LRP2: variants seen among roughly 807,000 people sequenced by gnomAD.
LRP2 encodes LDL receptor related protein 2.
Under a neutral mutation model 531.0 loss-of-function variants are expected in LRP2, and 172 were observed. That is an observed-to-expected ratio of 0.32 (90% CI 0.29 to 0.37). The LOEUF (loss-of-function observed/expected upper bound fraction) is 0.37. LRP2 is among the 10% of genes least tolerant of loss of function. LRP2 has a pLI of 1.00. For synonymous variants in LRP2, 1,992 were observed against 2,027.6 expected (o/e 0.98, Z 0.47); for missense variants, 5,167 against 5,868.3 (o/e 0.88, Z 3.90).
At chr2:169,195,044 A>G (rs1437920939) in intron 46 of LRP2, among the ~76,000 whole-genome samples, 4 of 152,142 alleles carry the variant, frequency 2.6e-5, no homozygotes, top group African/African-American at 7.2e-5. Context: ...ATCTCCTTTG[A>G]TACAGCAGCA....
intron 19 of LRP2, among the ~76,000 whole-genome samples, chr2:169,255,651 G>A (rs1338486595): frequency 6.6e-6 from 1 of 152,146 alleles, no homozygotes; most frequent in African/African-American, 2.4e-5. Context: ...GCATATAGTT[G>A]ATGAATATGT....
At chr2:169,226,186 A>C (rs1187613882) in intron 32 of LRP2, among the ~76,000 whole-genome samples, 1 of 152,230 alleles carries the variant, frequency 6.6e-6, no homozygotes, top group Non-Finnish European at 1.5e-5. Context: ...GAATGAGTAA[A>C]TAATACACAA....
In LRP2 at chr2:169,235,982, A is replaced by C; in HGVS notation, c.4778T>G (p.Val1593Gly). The C allele has an allele frequency of 2.5e-6, 4 of 1,614,234 alleles. No homozygotes were observed. The highest frequency in any genetic ancestry group is 3.4e-6 in the Non-Finnish European group (4 of 1,180,040). The change falls in exon 29 of 79, where the codon GTC becomes GGC. Residue 1593 changes from valine (V) to glycine (G), a missense_variant. Physicochemically the swap from Val to Gly is moderately radical, Grantham distance 109. Transcript: ENST00000649046. ...SMDGSMRTVI[V>G]QDKIFWPCGL... ...GCAGGGCCAGAAGATCTTGTCCTGG[A>C]CAATGACAGTGCGCATGCTGCCGTC...
rs190124068 is a variant in LRP2, at chr2:169,231,150, C to T, written c.5227+564G>A. Reference sequence around the variant, plus strand: ...CTCTACAAAAAATACAAAAATTAGCCGGGTGTGGTGGCGTGCACCTATAGT... The same window carrying T: ...CTCTACAAAAAATACAAAAATTAGCTGGGTGTGGTGGCGTGCACCTATAGT... On this transcript the variant is annotated intron_variant, in intron 31 of 78. Transcript: ENST00000649046. 2.1e-3 allele frequency among the ~76,000 whole-genome samples: 320 copies of T among 151,954 alleles called. 1 individual carries two copies. The highest frequency in any genetic ancestry group is 4.5e-3 in the Admixed American group (69 of 15,274).
At chr2:169,284,541 G>T (rs1683800099) in intron 9 of LRP2, among the ~76,000 whole-genome samples, 1 of 152,066 alleles carries the variant, frequency 6.6e-6, no homozygotes, top group African/African-American at 2.4e-5. Context: ...TGATGGGACT[G>T]CAGGCGTAAG....
chr2:169,237,811 A>T (rs1231581891), intron 27 of LRP2, among the ~76,000 whole-genome samples: 1 of 152,208 alleles, frequency 6.6e-6, no homozygotes, highest in Non-Finnish European at 1.5e-5. Flanking sequence ...CTCATCCACA[A>T]GAAAAGACTG....
chr2:169,296,374 G>A (rs1051511698), intron 4 of LRP2, among the ~76,000 whole-genome samples: 6 of 151,910 alleles, frequency 3.9e-5, no homozygotes, highest in South Asian at 2.1e-4. Context: ...GAGTTATTGC[G>A]TCTTTCCTCG....
chr2:169,205,132 AT>A lies in LRP2; in HGVS notation c.7715+346del, dbSNP rs549000502. Among the ~76,000 whole-genome samples the A allele has an allele frequency of 5.7e-3, 867 of 152,228 alleles. 9 individuals carry two copies. Among genetic ancestry groups the A allele is most frequent in the African/African-American group, 0.018 (747 of 41,542 alleles). On this transcript the variant is annotated intron_variant, in intron 41 of 78. Transcript: ENST00000649046. ...CAATTGGCATTTAAAAGTCATTCAGATTTTATAGCAGTTACCTAGGGCCTGC... is the reference window on the plus strand; with the variant it reads ...CAATTGGCATTTAAAAGTCATTCAGATTTATAGCAGTTACCTAGGGCCTGC...
chr2:169,197,943 C>T (rs1688060689), intron 45 of LRP2, among the ~76,000 whole-genome samples: 1 of 152,152 alleles, frequency 6.6e-6, no homozygotes, highest in Non-Finnish European at 1.5e-5. Context: ...CAGGGAAGTC[C>T]AATCACTAAA....
At chr2:169,186,962 A>G (rs900556978) in intron 49 of LRP2, among the ~76,000 whole-genome samples, 5 of 152,210 alleles carry the variant, frequency 3.3e-5, no homozygotes, top group African/African-American at 1.2e-4. Context: ...AATATAGCAC[A>G]TGTTTTTCTT....
At chr2:169,322,331 A>G (rs1186020553) in intron 1 of LRP2, among the ~76,000 whole-genome samples, 1 of 152,192 alleles carries the variant, frequency 6.6e-6, no homozygotes, top group African/African-American at 2.4e-5. Flanking sequence ...ATTGTCTGGT[A>G]GTGACATCCT....
chr2:169,208,857 T>A (rs990652721), intron 38 of LRP2, among the ~76,000 whole-genome samples: 2 of 152,174 alleles, frequency 1.3e-5, no homozygotes, highest in African/African-American at 4.8e-5. Context: ...ATAATACCAC[T>A]AATTATGAGT....
intron 24 of LRP2, among the ~76,000 whole-genome samples, chr2:169,241,570 T>C (rs1473749771): frequency 6.6e-6 from 1 of 152,226 alleles, no homozygotes; most frequent in Non-Finnish European, 1.5e-5. Flanking sequence ...CTAGTGGCTC[T>C]GACAACAAAC....
chr2:169,337,070 C>T (rs1207709316), intron 1 of LRP2, among the ~76,000 whole-genome samples: 1 of 152,126 alleles, frequency 6.6e-6, no homozygotes, highest in Non-Finnish European at 1.5e-5. Context: ...GTCTAAAAAT[C>T]CTCTCCTTCT....
chr2:169,196,936 A>C lies in LRP2; in HGVS notation c.8673T>G (p.Asp2891Glu). The C allele has an allele frequency of 1.2e-6, 2 of 1,614,228 alleles. No homozygotes were observed. Among genetic ancestry groups the C allele is most frequent in the South Asian group, 2.2e-5 (2 of 91,088 alleles). Residue 2891 changes from aspartate (D) to glutamate (E), a missense_variant, in exon 46 of 79, where the codon GAT becomes GAG. Physicochemically the swap from Asp to Glu is conservative, Grantham distance 45. This residue lies in a region of LRP2 where 1,129 missense variants were observed against 1,362.7 expected (regional missense o/e 0.83). Transcript: ENST00000649046. The part of the protein sequence containing the change: ...WYCDQETDCF[D>E]ASDEPASCGH... ...CACAAGAGGCAGGTTCATCAGAGGC[A>C]TCAAAACAATCTGTTTCTTGATCAC...
intron 35 of LRP2, among the ~76,000 whole-genome samples, chr2:169,215,672 T>A (rs1470075947): frequency 6.7e-6 from 1 of 148,748 alleles, no homozygotes; most frequent in Non-Finnish European, 1.5e-5. Context: ...AAATTCTATA[T>A]TCTATATATA....
chr2:169,179,881 G>A (rs746351492), intron 52 of LRP2, among the ~76,000 whole-genome samples: 5 of 152,086 alleles, frequency 3.3e-5, no homozygotes, highest in East Asian at 1.9e-4. Context: ...TCTCCAAGAG[G>A]TAACCAATTT....
At chr2:169,236,957 C>T (rs1689628148) in intron 28 of LRP2, 146 bp downstream of exon 28, 1 of 688,752 alleles carries the variant, frequency 1.5e-6, no homozygotes, top group Admixed American at 2.1e-5. Context: ...GATAGCAACA[C>T]CCAGTTGGAC....
chr2:169,259,045 C>T lies in LRP2; in HGVS notation c.2493G>A (p.Val831=). The change falls in exon 17 of 79, where the codon GTG becomes GTA. Residue 831 remains valine (V), a synonymous_variant. Coordinates refer to ENST00000649046, the MANE Select transcript of LRP2 (RefSeq NM_004525.3). ...CTTACCCGGCAAAAGGATGAACTAC[C>T]ACCGACCGTGGGTTATTTAAATACT... ...VVQYLNNPRS[V]VVHPFAGYLF... 1.2e-6 allele frequency: 2 copies of T among 1,613,192 alleles called. No homozygotes were observed. The highest frequency in any genetic ancestry group is 1.7e-6 in the Non-Finnish European group (2 of 1,179,530).
Sources: allele counts gnomAD v4.1 joint callset (sites outside exome capture counted in the v4.1 genomes callset), GRCh38; gene constraint gnomAD v4.1.1; regional missense constraint gnomAD v4.1.1; transcripts MANE v1.5; gene names NCBI Gene and HGNC (gene_info 2026-07-23, HGNC 2026-07-21).